TBX18: variants seen among roughly 807,000 people sequenced by gnomAD.
TBX18 encodes the protein T-box transcription factor TBX18.
A neutral mutation model predicts 55.0 loss-of-function variants in TBX18; 21 were observed. The observed-to-expected ratio is 0.38, with a 90% CI of 0.27 to 0.55. The LOEUF is 0.55. TBX18 is among the 20% of genes least tolerant of loss of function. TBX18 has a pLI of 0.73. For missense variants in TBX18, 840 were observed against 799.6 expected (o/e 1.05, Z -0.61); for synonymous variants, 342 against 326.1 (o/e 1.05, Z -0.53).
At position 84,736,636 on chromosome 6, in the gene TBX18, AAG is replaced by A; in HGVS notation, c.*47_*48del. 1 of 1,461,996 alleles carries A rather than the reference AAG, an allele frequency of 6.8e-7. No individual in the cohort carries two copies. The highest frequency in any genetic ancestry group is 2.6e-5 in the Admixed American group (1 of 38,624). 90.6% of individuals were successfully genotyped at this position (1,461,996 alleles called of 1,614,324 possible). A position where few individuals can be genotyped will look rare whatever the true frequency, so the allele number is the denominator to read the frequency against. Reference sequence around the variant, plus strand: ...TTCCACATAGCTTTTAAAAAAGAAAAAGAAAATATGTTAGACAGATCCAAATG... The same window carrying A: ...TTCCACATAGCTTTTAAAAAAGAAAAAAAATATGTTAGACAGATCCAAATG... On this transcript the variant is annotated 3_prime_UTR_variant, in exon 8 of 8. Coordinates refer to ENST00000369663, the MANE Select transcript of TBX18 (RefSeq NM_001080508.3).
At chr6:84,757,309 G>C (rs1020366280) in intron 3 of TBX18, among the ~76,000 whole-genome samples, 1 of 152,192 alleles carries the variant, frequency 6.6e-6, no homozygotes, top group African/African-American at 2.4e-5. Context: ...GATCATTTCT[G>C]ATGTTAGACT....
At chr6:84,749,831 A>C (rs1175137188) in intron 4 of TBX18, among the ~76,000 whole-genome samples, 1 of 152,184 alleles carries the variant, frequency 6.6e-6, no homozygotes, top group Non-Finnish European at 1.5e-5. Flanking sequence ...TAAAATATAT[A>C]ACTTGCTGTT....
Position 84,764,036 on chromosome 6 carries a change from G to GC in TBX18, c.145dup (p.Ala49GlyfsTer20). 1.3e-6 allele frequency: 2 copies of GC among 1,555,466 alleles called. No homozygotes were observed. Among genetic ancestry groups the GC allele is most frequent in the Non-Finnish European group, 1.7e-6 (2 of 1,153,478 alleles). On this transcript the variant is annotated frameshift_variant, in exon 1 of 8. Transcript: ENST00000369663. LOFTEE classifies it high-confidence loss of function. Reference sequence around the variant, plus strand: ...GCGGCTGCAGCCTCCGTCGTCCACGGCCCCCGCCGCCTCTTCGGCGCCCAG... The same window carrying GC: ...GCGGCTGCAGCCTCCGTCGTCCACGGCCCCCCGCCGCCTCTTCGGCGCCCAG...
Position 84,735,672 on chromosome 6 carries a change from T to A in TBX18, c.*1013A>T, listed in dbSNP as rs184422163. 8 of 152,344 alleles carry A rather than the reference T, an allele frequency of 5.3e-5. No individual in the cohort carries two copies. Among genetic ancestry groups the A allele is most frequent in the Non-Finnish European group, 1.0e-4 (7 of 68,026 alleles). The allele number at this position is 152,344 out of a possible 1,614,324, so 9.4% of individuals were successfully genotyped here. A position where few individuals can be genotyped will look rare whatever the true frequency, so the allele number is the denominator to read the frequency against. ...ATAAGTAGCATAAATGCATTTTTTT[T>A]ACTTATATACTATCGGTCAGGAAGC... On this transcript the variant is annotated 3_prime_UTR_variant, in exon 8 of 8. Transcript: ENST00000369663.
At chr6:84,758,711 T>C (rs975387185) in intron 3 of TBX18, among the ~76,000 whole-genome samples, 1 of 152,102 alleles carries the variant, frequency 6.6e-6, no homozygotes, top group Non-Finnish European at 1.5e-5. Context: ...AACAAAACCT[T>C]GAAAAAGTAT....
intron 3 of TBX18, among the ~76,000 whole-genome samples, chr6:84,759,010 G>A (rs967579161): frequency 2.0e-5 from 3 of 151,876 alleles, no homozygotes; most frequent in Non-Finnish European, 4.4e-5. Context: ...GACAAACTTA[G>A]AAGAAAAAGG....
At position 84,737,220 on chromosome 6, in the gene TBX18, T is replaced by C. The variant is rs375063225; in HGVS notation, c.1289A>G (p.Tyr430Cys). The C allele has an allele frequency of 9.9e-6, 16 of 1,611,536 alleles. No individual in the cohort carries two copies. In the African/African-American group the frequency reaches 1.2e-4, roughly 12 times the overall value. Residue 430 changes from tyrosine to cysteine, a missense_variant, in exon 8 of 8, where the codon TAC becomes TGC. Physicochemically the swap from Tyr to Cys is radical, Grantham distance 194. Transcript: ENST00000369663. ...CARSGLTLNRYSTSLAETYNR... is the reference protein window; with the variant it reads ...CARSGLTLNRCSTSLAETYNR... Reference sequence around the variant, plus strand: ...GTAGGTCTCTGCCAAAGATGTGCTGTATCGGTTGAGGGTGAGGCCTGAGCG... The same window carrying C: ...GTAGGTCTCTGCCAAAGATGTGCTGCATCGGTTGAGGGTGAGGCCTGAGCG...
Position 84,735,357 on chromosome 6 carries a change from C to A in TBX18, c.*1328G>T, listed in dbSNP as rs1773909409. The A allele has an allele frequency of 2.0e-5, 3 of 152,138 alleles. No homozygotes were observed. In the South Asian group the frequency reaches 6.2e-4, roughly 31 times the overall value. The allele number at this position is 152,138 out of a possible 1,614,324, so 9.4% of individuals were successfully genotyped here. A position where few individuals can be genotyped will look rare whatever the true frequency, so the allele number is the denominator to read the frequency against. On this transcript the variant is annotated 3_prime_UTR_variant, in exon 8 of 8. Transcript: ENST00000369663. Reference sequence around the variant, plus strand: ...AAAAATTTAATACTGATTTTAATTTCTCCAGTTCTGACATTACAAATTCTG... The same window carrying A: ...AAAAATTTAATACTGATTTTAATTTATCCAGTTCTGACATTACAAATTCTG...
chr6:84,759,596 A>G (rs1044143810), intron 3 of TBX18, among the ~76,000 whole-genome samples: 4 of 152,040 alleles, frequency 2.6e-5, no homozygotes, highest in East Asian at 1.9e-4. Context: ...GAACGTGTAT[A>G]TTTTCAAAAT....
chr6:84,742,516 T>G (rs139374816), intron 6 of TBX18: 1 of 152,178 alleles, frequency 6.6e-6, no homozygotes, highest in African/African-American at 2.4e-5. Flanking sequence ...GTATCTGTCA[T>G]CTCACTTCTT....
rs955946521 is a variant in TBX18 at position 84,763,987 on chromosome 6, A to C, written c.195T>G (p.Gly65=). ...CAGCGCCTTCGTCTCCCTCAGAAGA[A>C]CCCTTTTCGCCCGCGCCGCCGCCGC... ...CSRGGGAGEK[G]SSEGDEGAAL... Residue 65 remains glycine (G), a synonymous_variant, in exon 1 of 8, where the codon GGT becomes GGG. Coordinates refer to ENST00000369663, the MANE Select transcript of TBX18 (RefSeq NM_001080508.3). The C allele has an allele frequency of 6.3e-7, 1 of 1,577,578 alleles. No homozygotes were observed.
At position 84,747,997 on chromosome 6, in the gene TBX18, G is replaced by C; in HGVS notation, c.862C>G (p.Pro288Ala). 1.2e-6 allele frequency: 2 copies of C among 1,613,610 alleles called. No individual in the cohort carries two copies. The highest frequency in any genetic ancestry group is 8.5e-7 in the Non-Finnish European group (1 of 1,179,634). Reference sequence around the variant, plus strand: ...AATGCCTTTACTCCCTCCCCGGATGGAACAGGCTTGATGGGAGAAAGATCG... The same window carrying C: ...AATGCCTTTACTCCCTCCCCGGATGCAACAGGCTTGATGGGAGAAAGATCG... ...GDDLSPIKPVPSGEGVKAFSF... is the reference protein window; with the variant it reads ...GDDLSPIKPVASGEGVKAFSF... Residue 288 changes from proline (P) to alanine (A), a missense_variant, in exon 5 of 8, where the codon CCA becomes GCA. Pro to Ala is a conservative substitution (Grantham distance 27). Coordinates refer to ENST00000369663, the MANE Select transcript of TBX18 (RefSeq NM_001080508.3).
At chr6:84,740,511 C>T (rs1767019737) in intron 6 of TBX18, among the ~76,000 whole-genome samples, 1 of 152,140 alleles carries the variant, frequency 6.6e-6, no homozygotes, top group South Asian at 2.1e-4. Context: ...GTTCATGCCA[C>T]TTGATAGTAT....
intron 4 of TBX18, among the ~76,000 whole-genome samples, chr6:84,748,816 T>C (rs1402248741): frequency 6.6e-6 from 1 of 152,316 alleles, no homozygotes; most frequent in East Asian, 1.9e-4. Flanking sequence ...AAGCTTTTCA[T>C]GTACAAAGAC....
Position 84,763,965 on chromosome 6 carries a change from C to T in TBX18, c.217G>A (p.Ala73Thr), listed in dbSNP as rs556991020. The change falls in exon 1 of 8, where the codon GCT becomes ACT. Residue 73 changes from alanine (A) to threonine (T), a missense_variant. Ala to Thr is a moderately conservative substitution (Grantham distance 58, BLOSUM62 0). Coordinates refer to ENST00000369663, the MANE Select transcript of TBX18 (RefSeq NM_001080508.3). The part of the protein sequence containing the change: ...EKGSSEGDEG[A>T]ALPPPAGATS... ...GCCCCAGCCGGCGGCGGGAGCGCAG[C>T]GCCTTCGTCTCCCTCAGAAGAACCC... The T allele has an allele frequency of 1.3e-6, 2 of 1,580,050 alleles. No individual in the cohort carries two copies. The highest frequency in any genetic ancestry group is 1.7e-6 in the Non-Finnish European group (2 of 1,169,134).
chr6:84,744,237 G>T (rs527954912), intron 6 of TBX18, 24 bp downstream of exon 6: 2 of 1,589,094 alleles, frequency 1.3e-6, no homozygotes, highest in African/African-American at 1.4e-5. Context: ...TATCATAACC[G>T]GAATGGTCTT....
intron 1 of TBX18, 170 bp from the exon 2 acceptor site, chr6:84,762,918 A>G: frequency 1.5e-6 from 1 of 647,780 alleles, no homozygotes; most frequent in South Asian, 1.9e-5. Flanking sequence ...AGACACCCAC[A>G]TTCTGCCTGT....
At chr6:84,746,474 G>T (rs1767193195) in intron 5 of TBX18, among the ~76,000 whole-genome samples, 1 of 143,742 alleles carries the variant, frequency 7.0e-6, no homozygotes, top group Admixed American at 7.0e-5. Context: ...TTATTGTACA[G>T]TATATTATAC....
chr6:84,750,786 C>G (rs1246463436), intron 4 of TBX18, among the ~76,000 whole-genome samples: 1 of 152,132 alleles, frequency 6.6e-6, no homozygotes, highest in Admixed American at 6.5e-5. Context: ...TGAGCCCCAC[C>G]TGGTGTCTCA....
Sources: allele counts gnomAD v4.1 joint callset (sites outside exome capture counted in the v4.1 genomes callset), GRCh38; gene constraint gnomAD v4.1.1; transcripts MANE v1.5; gene names NCBI Gene and HGNC (gene_info 2026-07-23, HGNC 2026-07-21).